The following PCDHA6 variants were observed in gnomAD, a reference collection of about 807,000 sequenced individuals.
PCDHA6 encodes protocadherin alpha 6.
PCDHA6 carries 55 observed loss-of-function variants against 60.3 expected under a neutral mutation model. That is an observed-to-expected ratio of 0.91 (90% CI 0.73 to 1.14). The LOEUF is 1.14. Ranked by LOEUF, PCDHA6 falls within the 50% of genes most tolerant of loss-of-function variation. PCDHA6 has a pLI of 0.00. For missense variants in PCDHA6, 1,327 were observed against 1,256.5 expected, an observed-to-expected ratio of 1.06 and a Z score of -0.85; for synonymous variants, 652 against 557.9, an observed-to-expected ratio of 1.17 and a Z score of -2.38.
chr5:140,872,595 C>T (rs1048527578), intron 1 of PCDHA6, among the ~76,000 whole-genome samples: 1 of 152,102 alleles, frequency 6.6e-6, no homozygotes, highest in African/African-American at 2.4e-5. Context: ...AGACCCCCAT[C>T]TGAAAAAATA....
intron 1 of PCDHA6, among the ~76,000 whole-genome samples, chr5:140,924,252 G>C (rs1306870811): frequency 1.3e-5 from 2 of 152,214 alleles, no homozygotes; most frequent in African/African-American, 4.8e-5. Flanking sequence ...ATCCTGGTGA[G>C]ATCTAATGAG....
intron 1 of PCDHA6, among the ~76,000 whole-genome samples, chr5:140,874,462 A>G (rs1471984599): frequency 7.2e-5 from 11 of 152,228 alleles, no homozygotes; most frequent in African/African-American, 2.7e-4. Flanking sequence ...CTGTAGGGGA[A>G]GATTTAGAGA....
chr5:140,869,502 C>G (rs2051182557), intron 1 of PCDHA6: 1 of 1,614,090 alleles, frequency 6.2e-7, no homozygotes, highest in African/African-American at 1.3e-5. Context: ...CGCCGGTGTT[C>G]TCGCTCAGAG....
intron 1 of PCDHA6, chr5:140,856,553 T>C (rs1319185539): frequency 6.3e-7 from 1 of 1,598,066 alleles, no homozygotes; most frequent in African/African-American, 1.3e-5. Context: ...ATTGCTTACT[T>C]ACAAACTCAG....
At position 140,830,572 on chromosome 5, in the gene PCDHA6, T is replaced by C. The variant is rs1012149476; in HGVS notation, c.2394+87T>C. 7 of 871,722 alleles carry C rather than the reference T, an allele frequency of 8.0e-6. No individual in the cohort carries two copies. In the African/African-American group the frequency reaches 1.2e-4, roughly 15 times the overall value. 54.0% of individuals were successfully genotyped at this position (871,722 alleles called of 1,614,324 possible). On this transcript the variant is annotated intron_variant, in intron 1 of 3. Coordinates refer to ENST00000529310, the MANE Select transcript of PCDHA6 (RefSeq NM_018909.4). The stretch of plus-strand genomic sequence containing the variant: ...TATTTGTCTTCTATATTTCTGTTTT[T>C]AATTTTTAATTAATTTTACAAAATT...
chr5:140,926,981 C>T (rs1420415867), intron 1 of PCDHA6: 3 of 1,610,216 alleles, frequency 1.9e-6, no homozygotes, highest in Admixed American at 1.7e-5. Context: ...CCGGAGGAGA[C>T]GGAGCGGGGC....
intron 1 of PCDHA6, among the ~76,000 whole-genome samples, chr5:140,839,019 G>A (rs1394721397): frequency 6.6e-6 from 1 of 151,970 alleles, no homozygotes; most frequent in African/African-American, 2.4e-5. Flanking sequence ...AATTATTTTA[G>A]GATATGTTAC....
intron 1 of PCDHA6, chr5:140,868,100 ATTTAT>A (rs2153230738): frequency 1.3e-5 from 2 of 152,260 alleles, no homozygotes; most frequent in South Asian, 2.1e-4. Context: ...TGATAATAAA[ATTTAT>A]TTTATAGTTG....
chr5:140,835,672 G>C, intron 1 of PCDHA6: 1 of 1,613,926 alleles, frequency 6.2e-7, no homozygotes, highest in Non-Finnish European at 8.5e-7. Flanking sequence ...GCGCGGGACG[G>C]GGGCTCGCCT....
At chr5:140,844,880 C>A (rs1779593021) in intron 1 of PCDHA6, among the ~76,000 whole-genome samples, 2 of 149,342 alleles carry the variant, frequency 1.3e-5, no homozygotes, top group South Asian at 4.2e-4. Context: ...ACCCATTAGA[C>A]TTCGTGCATA....
rs782641512 is a variant in PCDHA6 at position 140,857,970 on chromosome 5, C to T, written c.2394+27485C>T. The T allele has an allele frequency of 1.9e-5, 30 of 1,596,836 alleles. 3 individuals are homozygous for T. The highest frequency in any genetic ancestry group is 1.1e-4 in the African/African-American group (8 of 74,204). ...ACGCGCGCTCTGGATGAGACTGACT[C>T]GCCACGCCAGCGCCTACTGGTGCTG... On this transcript the variant is annotated intron_variant, in intron 1 of 3. Coordinates refer to ENST00000529310, the MANE Select transcript of PCDHA6 (RefSeq NM_018909.4).
intron 1 of PCDHA6, among the ~76,000 whole-genome samples, chr5:140,933,412 A>G (rs1466318521): frequency 2.6e-5 from 4 of 152,066 alleles, no homozygotes; most frequent in Non-Finnish European, 5.9e-5. Flanking sequence ...ATCTACAGAT[A>G]TTCTGTGTTC....
intron 1 of PCDHA6, among the ~76,000 whole-genome samples, chr5:140,881,751 A>C (rs974973794): frequency 2.0e-5 from 3 of 152,206 alleles, no homozygotes; most frequent in African/African-American, 7.2e-5. Context: ...GGACAGTACC[A>C]CAAAAACCTA....
chr5:140,838,984 C>T (rs1232719148), intron 1 of PCDHA6, among the ~76,000 whole-genome samples: 1 of 151,886 alleles, frequency 6.6e-6, no homozygotes, highest in African/African-American at 2.4e-5. Flanking sequence ...TTTCACTGTT[C>T]CTAATATTCT....
rs782449567 is a variant in PCDHA6, at chr5:140,928,010, G to T, written c.2395-50939G>T. 4.3e-6 allele frequency: 7 copies of T among 1,614,168 alleles called. No individual in the cohort carries two copies. In the South Asian group the frequency reaches 6.6e-5, roughly 15 times the overall value. On this transcript the variant is annotated intron_variant, in intron 1 of 3. Coordinates refer to ENST00000529310, the MANE Select transcript of PCDHA6 (RefSeq NM_018909.4). Reference sequence around the variant, plus strand: ...AAGGATGAAGACCTCGATTCTAATGGTAGGGTCATTTGTGGCATGTCTAGT... The same window carrying T: ...AAGGATGAAGACCTCGATTCTAATGTTAGGGTCATTTGTGGCATGTCTAGT...
intron 3 of PCDHA6, among the ~76,000 whole-genome samples, chr5:141,006,727 G>A (rs2098285106): frequency 6.6e-6 from 1 of 152,080 alleles, no homozygotes. Context: ...AGAAATGACA[G>A]GTCTTGATGA....
At position 140,829,793 on chromosome 5, in the gene PCDHA6, C is replaced by A. The variant is rs1369213842; in HGVS notation, c.1702C>A (p.Pro568Thr). 1.2e-6 allele frequency: 2 copies of A among 1,613,818 alleles called. No individual in the cohort carries two copies. The highest frequency in any genetic ancestry group is 2.7e-5 in the African/African-American group (2 of 75,056). The stretch of plus-strand genomic sequence containing the variant: ...CGACAACGCGCCGGCGCTGCTGGCG[C>A]CTCGGGTGGGTGGTACTGGTGGTGC... ...ENDNAPALLA[P>T]RVGGTGGAVS... The change falls in exon 1 of 4, where the codon CCT (proline) becomes ACT (threonine). Residue 568 changes from proline to threonine, a missense_variant. Transcript: ENST00000529310.
chr5:140,928,262 A>G, intron 1 of PCDHA6: 1 of 1,614,214 alleles, frequency 6.2e-7, no homozygotes, highest in Non-Finnish European at 8.5e-7. Flanking sequence ...GTTGCTGAAA[A>G]CAATGGCCCT....
intron 3 of PCDHA6, among the ~76,000 whole-genome samples, chr5:141,001,157 A>T (rs1554258022): frequency 6.6e-6 from 1 of 152,136 alleles, no homozygotes; most frequent in African/African-American, 2.4e-5. Flanking sequence ...TGATCTTAAT[A>T]AGTAAAATTT....
Sources: gnomAD v4.1 joint callset for allele counts (sites outside exome capture counted in the v4.1 genomes callset) on GRCh38, gnomAD v4.1.1 for gene constraint, MANE v1.5 for transcripts, NCBI Gene and HGNC (gene_info 2026-07-23, HGNC 2026-07-21) for gene names.